The following CPNE9 variants were observed in gnomAD, a reference collection of about 807,000 sequenced individuals.
CPNE9 encodes copine family member 9.
Under a neutral mutation model 83.0 loss-of-function variants are expected in CPNE9, and 59 were observed. That is an observed-to-expected ratio of 0.71 (90% CI 0.58 to 0.88). The LOEUF (loss-of-function observed/expected upper bound fraction) is 0.88, where lower values mean the gene tolerates loss of function less well. CPNE9 is among the 40% of genes least tolerant of loss of function. The pLI, the probability that CPNE9 is intolerant of heterozygous loss-of-function variation, is 0.00. For synonymous variants in CPNE9, 256 were observed against 273.4 expected, an observed-to-expected ratio of 0.94 and a Z score of 0.63; for missense variants, 619 against 720.8, an observed-to-expected ratio of 0.86 and a Z score of 1.62.
At chr3:9,709,168 C>G (rs1460002131) in intron 7 of CPNE9, among the ~76,000 whole-genome samples, 1 of 148,382 alleles carries the variant, frequency 6.7e-6, no homozygotes, top group African/African-American at 2.5e-5. Context: ...CCCAGCTACT[C>G]AGAAGGCTGA....
chr3:9,726,817 G>T, intron 19 of CPNE9, 95 bp downstream of exon 19: 1 of 1,104,804 alleles, frequency 9.1e-7, no homozygotes, highest in Admixed American at 1.8e-5. Context: ...GATGACACAA[G>T]GTAGACACCC....
intron 7 of CPNE9, among the ~76,000 whole-genome samples, chr3:9,710,405 CT>C (rs1464405687): frequency 6.6e-6 from 1 of 152,278 alleles, no homozygotes; most frequent in East Asian, 1.9e-4. Context: ...TGGACATTCT[CT>C]TCTGGTTGCT....
rs777917217 is a variant in CPNE9 at position 9,704,831 on chromosome 3, GC to G, written c.156+39del. 4 of 1,599,940 alleles carry G rather than the reference GC, an allele frequency of 2.5e-6. No individual in the cohort carries two copies. The highest frequency in any genetic ancestry group is 1.7e-5 in the Admixed American group (1 of 58,292). Reference sequence around the variant, plus strand: ...GAGCCCCCTCCCGGCCCAGGGCGTCGCCCGGGAATTCCCCTGCCCGTCTGCA... The same window carrying G: ...GAGCCCCCTCCCGGCCCAGGGCGTCGCCGGGAATTCCCCTGCCCGTCTGCA... On this transcript the variant is annotated intron_variant, in intron 3 of 20. Coordinates refer to ENST00000383832, the MANE Select transcript of CPNE9 (RefSeq NM_153635.3). This position sits in a 1 kb window ranked among gnomAD's most constrained non-coding sequence, Gnocchi z 7.1.
intron 18 of CPNE9, among the ~76,000 whole-genome samples, 158 bp downstream of exon 18, chr3:9,726,209 T>C (rs546133387): frequency 6.6e-6 from 1 of 152,292 alleles, no homozygotes; most frequent in South Asian, 2.1e-4. Flanking sequence ...AGGACTTTGA[T>C]TTCCAGCAAA....
At chr3:9,726,205 T>C (rs927407950) in intron 18 of CPNE9, among the ~76,000 whole-genome samples, 154 bp downstream of exon 18, 4 of 152,216 alleles carry the variant, frequency 2.6e-5, no homozygotes, top group African/African-American at 9.7e-5. Flanking sequence ...ATAGAGGACT[T>C]TGATTTCCAG....
chr3:9,705,435 A>ACCCCCCC, intron 4 of CPNE9, 29 bp from the exon 5 acceptor site: 1 of 355,488 alleles, frequency 2.8e-6, no homozygotes, highest in Non-Finnish European at 4.3e-6. Context: ...ACCCAGCCCC[A>ACCCCCCC]CCCCACACCG....
chr3:9,717,774 T>C (rs986228473), intron 15 of CPNE9, among the ~76,000 whole-genome samples: 1 of 151,882 alleles, frequency 6.6e-6, no homozygotes, highest in Admixed American at 6.6e-5. Flanking sequence ...ATAAGTAGAC[T>C]GAAAGATAGA....
chr3:9,718,993 C>T (rs868386723), intron 17 of CPNE9, among the ~76,000 whole-genome samples: 20 of 151,868 alleles, frequency 1.3e-4, no homozygotes, highest in Middle Eastern at 6.8e-3. Flanking sequence ...CATGCCACCA[C>T]ACTTGGCTCG....
intron 17 of CPNE9, among the ~76,000 whole-genome samples, chr3:9,722,697 G>A (rs569689042): frequency 1.7e-4 from 26 of 151,780 alleles, no homozygotes; most frequent in African/African-American, 3.1e-4. Context: ...TTATTTTTTC[G>A]TAGAGACAGG....
chr3:9,712,646 TC>T, intron 8 of CPNE9, 42 bp downstream of exon 8: 1 of 1,609,458 alleles, frequency 6.2e-7, no homozygotes, highest in Admixed American at 1.7e-5. Context: ...CTCCCTTCTC[TC>T]CCCGTAAACC....
chr3:9,724,351 G>A (rs1443891932), intron 17 of CPNE9, among the ~76,000 whole-genome samples: 2 of 152,152 alleles, frequency 1.3e-5, no homozygotes, highest in Non-Finnish European at 2.9e-5. Context: ...ACTGCATGGG[G>A]CCCAGCAGCC....
In CPNE9 at chr3:9,704,463, G is replaced by A. The variant is rs561415775; in HGVS notation, c.69-124G>A. 3.5e-6 allele frequency: 3 copies of A among 850,850 alleles called. No homozygotes were observed. Among genetic ancestry groups the A allele is most frequent in the African/African-American group, 1.7e-5 (1 of 60,434 alleles). The allele number at this position is 850,850 out of a possible 1,614,324, so 52.7% of individuals were successfully genotyped here. On this transcript the variant is annotated intron_variant, in intron 1 of 20. Transcript: ENST00000383832. This position sits in a 1 kb window ranked among gnomAD's most constrained non-coding sequence, Gnocchi z 7.1. ...CTGACAGAGCGGACCCCGGCTGGGG[G>A]TAGCCATGGGGGACAGAGGTTCGAT...
chr3:9,728,634 A>G (rs1266504108), intron 20 of CPNE9, among the ~76,000 whole-genome samples: 1 of 152,206 alleles, frequency 6.6e-6, no homozygotes, highest in Non-Finnish European at 1.5e-5. Context: ...AAAAGAAAAA[A>G]ATAAAATAAA....
chr3:9,725,706 G>GTATATATATGTATATATATA (rs1559646289), intron 17 of CPNE9, among the ~76,000 whole-genome samples: 3 of 148,004 alleles, frequency 2.0e-5, no homozygotes, highest in African/African-American at 7.5e-5. Context: ...GTGTATATAT[G>GTATATATATGTATATATATA]TGTATATATG....
chr3:9,719,969 C>T (rs1040245421), intron 17 of CPNE9, among the ~76,000 whole-genome samples: 20 of 150,742 alleles, frequency 1.3e-4, no homozygotes, highest in Admixed American at 4.0e-4. Context: ...CCAACCTGGG[C>T]GACAGAGCAA....
At chr3:9,718,698 T>A in intron 17 of CPNE9, 96 bp downstream of exon 17, 1 of 1,465,076 alleles carries the variant, frequency 6.8e-7, no homozygotes, top group Non-Finnish European at 9.3e-7. Context: ...TAATTTAGGA[T>A]GATTTGAAGT....
intron 17 of CPNE9, among the ~76,000 whole-genome samples, chr3:9,722,587 A>G (rs1469214534): frequency 6.6e-6 from 1 of 151,972 alleles, no homozygotes; most frequent in Non-Finnish European, 1.5e-5. Flanking sequence ...TACAGCTCAC[A>G]GCAGCTTTGA....
In CPNE9 at chr3:9,729,613, A is replaced by G; in HGVS notation, c.1583A>G (p.Tyr528Cys). ...GAGATCCCGGAGCAGCTGCTGTCCT[A>G]TATGCGCACCAGAGACATCCAGCCT... is the stretch of plus-strand genomic sequence containing the variant. ...LAEIPEQLLSYMRTRDIQPRP... is the reference protein window; with the variant it reads ...LAEIPEQLLSCMRTRDIQPRP... The change falls in exon 21 of 21, where the codon TAT (tyrosine) becomes TGT (cysteine). Residue 528 changes from tyrosine (Y) to cysteine (C), a missense_variant. Tyr to Cys is a radical substitution (Grantham distance 194). This residue lies in a region of CPNE9 where 51 missense variants were observed against 40.4 expected (regional missense o/e 1.26). Transcript: ENST00000383832. The G allele has an allele frequency of 6.2e-7, 1 of 1,614,024 alleles. No homozygotes were observed. The highest frequency in any genetic ancestry group is 8.5e-7 in the Non-Finnish European group (1 of 1,179,996).
intron 14 of CPNE9, among the ~76,000 whole-genome samples, chr3:9,716,846 G>A (rs1297525628): frequency 1.3e-5 from 2 of 152,194 alleles, no homozygotes; most frequent in African/African-American, 2.4e-5. Context: ...CTGCCACACA[G>A]TAGGCATTTA....
Sources: allele counts gnomAD v4.1 joint callset (sites outside exome capture counted in the v4.1 genomes callset), GRCh38; gene constraint gnomAD v4.1.1; regional missense constraint gnomAD v4.1.1; non-coding constraint Gnocchi (gnomAD v3.1); transcripts MANE v1.5; gene names NCBI Gene and HGNC (gene_info 2026-07-23, HGNC 2026-07-21).